Variants in PLEKHG3 observed in about 807,000 individuals in gnomAD.
The protein encoded by PLEKHG3 is pleckstrin homology domain-containing family G member 3.
A neutral mutation model predicts 94.9 loss-of-function variants in PLEKHG3; 62 were observed. The ratio of observed to expected loss-of-function variants is 0.65; its 90% CI spans 0.53 to 0.81. The LOEUF (loss-of-function observed/expected upper bound fraction) is 0.81, where lower values mean the gene tolerates loss of function less well. Among genes scored for constraint, PLEKHG3 ranks in the 30% least tolerant of loss-of-function variants. The pLI is 0.00. For synonymous variants in PLEKHG3, 614 were observed against 654.0 expected (o/e 0.94, Z 0.93); for missense variants, 1,461 against 1,619.3 (o/e 0.90, Z 1.68).
rs1426539075 is a variant in PLEKHG3, at chr14:64,734,712, C to T, written c.1345+1811C>T. ...TATGAAATTCCCTCCCTCCCTCCCTCCCTTCCTTCCTTCCTTCTTTCCTTC... is the reference window on the plus strand; with the variant it reads ...TATGAAATTCCCTCCCTCCCTCCCTTCCTTCCTTCCTTCCTTCTTTCCTTC... On this transcript the variant is annotated intron_variant, in intron 12 of 16. Transcript: ENST00000247226. Among the ~76,000 whole-genome samples the T allele has an allele frequency of 3.5e-5, 5 of 141,358 alleles. No homozygotes were observed. In the East Asian group the frequency reaches 8.8e-4, roughly 25 times the overall value. 92.7% of individuals were successfully genotyped at this position (141,358 alleles called of 152,430 possible).
chr14:64,737,603 C>T (rs1005578497), intron 14 of PLEKHG3, among the ~76,000 whole-genome samples: 1 of 152,228 alleles, frequency 6.6e-6, no homozygotes, highest in Non-Finnish European at 1.5e-5. Context: ...CTGCTGGGGG[C>T]CTGCCCAGTG....
intron 12 of PLEKHG3, among the ~76,000 whole-genome samples, chr14:64,733,613 A>C (rs1331413727): frequency 6.6e-6 from 1 of 152,192 alleles, no homozygotes; most frequent in Non-Finnish European, 1.5e-5. Flanking sequence ...GGCCCAGCCC[A>C]GTCCTGGAAC....
intron 1 of PLEKHG3, among the ~76,000 whole-genome samples, chr14:64,708,115 G>A (rs2081002590): frequency 6.6e-6 from 1 of 152,152 alleles, no homozygotes; most frequent in Non-Finnish European, 1.5e-5. Context: ...GAAAACCTTG[G>A]CAAAAACTTT....
rs747398144 is a variant in PLEKHG3 at position 64,732,202 on chromosome 14, A to G, written c.1212+21A>G. 1.3e-6 allele frequency: 2 copies of G among 1,591,012 alleles called. No homozygotes were observed. On this transcript the variant is annotated intron_variant, in intron 10 of 16. Coordinates refer to ENST00000247226, the MANE Select transcript of PLEKHG3 (RefSeq NM_001308147.2). The surrounding 1 kb of genome is among the most constrained non-coding windows in gnomAD (Gnocchi z 4.9). ...AGAAGGTGAGTTCCCCCAGCTCCTG[A>G]CTGTGTGCAAGGAGAATGTGCTCCT...
In PLEKHG3 at chr14:64,731,192, G is replaced by C. The variant is rs369335119; in HGVS notation, c.849+23G>C. 5 of 1,595,532 alleles carry C rather than the reference G, an allele frequency of 3.1e-6. No homozygotes were observed. The highest frequency in any genetic ancestry group is 2.2e-5 in the East Asian group (1 of 44,716). ...CAGGTGCTCTGGGGCTGGGACGCTG[G>C]GGGAGGGGCAGGGCTGGGTGGGCCA... On this transcript the variant is annotated intron_variant, in intron 7 of 16. Transcript: ENST00000247226. The surrounding 1 kb of genome is among the most constrained non-coding windows in gnomAD (Gnocchi z 6.1).
chr14:64,737,851 G>T (rs1339676724), intron 14 of PLEKHG3: 1 of 1,183,286 alleles, frequency 8.5e-7, no homozygotes, highest in East Asian at 6.2e-5. Context: ...GGGGTCTTGT[G>T]CTCTGAACAG....
Position 64,741,822 on chromosome 14 carries a change from C to T in PLEKHG3, c.2305C>T (p.Pro769Ser). 1.2e-6 allele frequency: 2 copies of T among 1,613,662 alleles called. No individual in the cohort carries two copies. The highest frequency in any genetic ancestry group is 1.7e-6 in the Non-Finnish European group (2 of 1,180,026). ...SLPRPDPEPV[P>S]PVGSKRQVGS... is the part of the protein sequence containing the mutation. ...TCCCCGGCCAGACCCAGAGCCAGTA[C>T]CTCCAGTGGGGAGCAAGAGACAGGT... The change falls in exon 16 of 17, where the codon CCT becomes TCT. Residue 769 changes from proline to serine, a missense_variant. This residue lies in a region of PLEKHG3 where 1,201 missense variants were observed against 1,295.5 expected (regional missense o/e 0.93). Transcript: ENST00000247226.
Position 64,732,967 on chromosome 14 carries a change from T to C in PLEKHG3, c.1345+66T>C. 1 of 1,013,188 alleles carries C rather than the reference T, an allele frequency of 9.9e-7. No homozygotes were observed. Among genetic ancestry groups the C allele is most frequent in the Non-Finnish European group, 1.5e-6 (1 of 657,308 alleles). 62.8% of individuals were successfully genotyped at this position (1,013,188 alleles called of 1,614,324 possible). A position where few individuals can be genotyped will look rare whatever the true frequency, so the allele number is the denominator to read the frequency against. The stretch of plus-strand genomic sequence containing the variant: ...ACCCTTGCCCAGACTGGGGACCGTC[T>C]GCGGCAGTGTCCAGGGCTGTGGCTC... On this transcript the variant is annotated intron_variant, in intron 12 of 16. Transcript: ENST00000247226. The surrounding 1 kb of genome is among the most constrained non-coding windows in gnomAD (Gnocchi z 4.9).
At position 64,749,240 on chromosome 14, in the gene PLEKHG3, A is replaced by C. The variant is rs948286328; in HGVS notation, c.*5537A>C. 9 of 1,522,360 alleles carry C rather than the reference A, an allele frequency of 5.9e-6. No homozygotes were observed. The Admixed American group carries it at 1.4e-4, about 23-fold the overall frequency. 94.3% of individuals were successfully genotyped at this position (1,522,360 alleles called of 1,614,324 possible). ...TCGACCGGCGGGCGGCGGCGAGAGG[A>C]GGCCAAGGCCTGGGCTGCCCGGTCT... On this transcript the variant is annotated 3_prime_UTR_variant, in exon 17 of 17. Coordinates refer to ENST00000247226, the MANE Select transcript of PLEKHG3 (RefSeq NM_001308147.2). This position sits in a 1 kb window ranked among gnomAD's most constrained non-coding sequence, Gnocchi z 4.7.
At chr14:64,742,868 CA>C in intron 16 of PLEKHG3, 113 bp from the exon 17 acceptor site, 3 of 998,334 alleles carry the variant, frequency 3.0e-6, no homozygotes, top group Non-Finnish European at 3.1e-6. Context: ...CCATCACACC[CA>C]AAACCCCAAC....
rs2081179230 is a variant in PLEKHG3 at position 64,717,111 on chromosome 14, ACGTG to A, written c.-39-10481_-39-10478del. ...GGGCTGGCCGCCTTTGGGAATTTAC[ACGTG>A]TGTGTGTGTGTGTGTGTGTGTGTGT... On this transcript the variant is annotated intron_variant, in intron 1 of 16. Transcript: ENST00000247226. This position sits in a 1 kb window ranked among gnomAD's most constrained non-coding sequence, Gnocchi z 4.7. Among the ~76,000 whole-genome samples the A allele has an allele frequency of 8.8e-6, 1 of 113,318 alleles. No homozygotes were observed. Among genetic ancestry groups the A allele is most frequent in the Admixed American group, 8.2e-5 (1 of 12,204 alleles). The allele number at this position is 113,318 out of a possible 152,430, so 74.3% of individuals were successfully genotyped here.
Position 64,741,353 on chromosome 14 carries a change from C to G in PLEKHG3, c.1836C>G (p.Ser612Arg). 6.2e-7 allele frequency: 1 copy of G among 1,613,606 alleles called. No individual in the cohort carries two copies. The highest frequency in any genetic ancestry group is 8.5e-7 in the Non-Finnish European group (1 of 1,180,046). Residue 612 changes from serine (S) to arginine (R), a missense_variant, in exon 16 of 17, where the codon AGC becomes AGG. Transcript: ENST00000247226. ...TCATTGCGGAGCGATTTGTCAGCAG[C>G]TTCTCTCGGCGGAGCAGCGTGGCAC... ...ASVIAERFVS[S>R]FSRRSSVAQE...
rs2081496962 is a variant in PLEKHG3, at chr14:64,732,879, G to A, written c.1323G>A (p.Val441=). 1.2e-6 allele frequency: 2 copies of A among 1,607,198 alleles called. No homozygotes were observed. The highest frequency in any genetic ancestry group is 1.7e-6 in the Non-Finnish European group (2 of 1,177,022). ...WSSQDEVSTN[V]RQGRRQSEPT... is the part of the protein sequence containing the mutation. ...CCCAGGATGAGGTGTCCACCAATGT[G>A]CGCCAGGGGCGCCGGCAATCTGGTA... The change falls in exon 12 of 17, where the codon GTG becomes GTA. Residue 441 remains valine, a synonymous_variant. Coordinates refer to ENST00000247226, the MANE Select transcript of PLEKHG3 (RefSeq NM_001308147.2). This position sits in a 1 kb window ranked among gnomAD's most constrained non-coding sequence, Gnocchi z 4.9.
At position 64,717,149 on chromosome 14, in the gene PLEKHG3, G is replaced by C. The variant is rs1566694670; in HGVS notation, c.-39-10444G>C. 6.6e-6 allele frequency among the ~76,000 whole-genome samples: 1 copy of C among 151,706 alleles called. No individual in the cohort carries two copies. The highest frequency in any genetic ancestry group is 1.5e-5 in the Non-Finnish European group (1 of 67,918). ...TGTGTGTGTGTGTGTGTGTGTGTGT[G>C]AGTCCATAAGGTCTGCTTTGGAAAA... On this transcript the variant is annotated intron_variant, in intron 1 of 16. Transcript: ENST00000247226. The surrounding 1 kb of genome is among the most constrained non-coding windows in gnomAD (Gnocchi z 4.7).
chr14:64,737,340 G>A lies in PLEKHG3; in HGVS notation c.1385-16G>A. 1 of 1,604,172 alleles carries A rather than the reference G, an allele frequency of 6.2e-7. No individual in the cohort carries two copies. Among genetic ancestry groups the A allele is most frequent in the Non-Finnish European group, 8.5e-7 (1 of 1,175,420 alleles). Reference sequence around the variant, plus strand: ...CCTCGCCCGTGTGCTGGGGGACCCGGTGGTGATGTCTGCAGCCCGAGCAGC... The same window carrying A: ...CCTCGCCCGTGTGCTGGGGGACCCGATGGTGATGTCTGCAGCCCGAGCAGC... On this transcript the variant is annotated splice_polypyrimidine_tract_variant and intron_variant, in intron 13 of 16. Coordinates refer to ENST00000247226, the MANE Select transcript of PLEKHG3 (RefSeq NM_001308147.2).
chr14:64,716,888 C>A lies in PLEKHG3; in HGVS notation c.-39-10705C>A, dbSNP rs1006570250. Reference sequence around the variant, plus strand: ...TGCCCCACCGGTCTGAATTCTGGTCCATGTACGCTCCCAGCTGAGGCAGGA... The same window carrying A: ...TGCCCCACCGGTCTGAATTCTGGTCAATGTACGCTCCCAGCTGAGGCAGGA... On this transcript the variant is annotated intron_variant, in intron 1 of 16. Coordinates refer to ENST00000247226, the MANE Select transcript of PLEKHG3 (RefSeq NM_001308147.2). The surrounding 1 kb of genome is among the most constrained non-coding windows in gnomAD (Gnocchi z 5.0). Among the ~76,000 whole-genome samples, 12 of 152,212 alleles carry A rather than the reference C, an allele frequency of 7.9e-5. No homozygotes were observed. The highest frequency in any genetic ancestry group is 2.9e-4 in the African/African-American group (12 of 41,448).
At position 64,739,148 on chromosome 14, in the gene PLEKHG3, G is replaced by A. The variant is rs149991582; in HGVS notation, c.1518+293G>A. Among the ~76,000 whole-genome samples the A allele has an allele frequency of 3.1e-3, 471 of 152,224 alleles. 3 individuals are homozygous for A. Among genetic ancestry groups the A allele is most frequent in the African/African-American group, 0.011 (457 of 41,532 alleles). ...ATGAACCAGGTATTAGGCTCCTTTC[G>A]TTAGGCCACCTTGTATGGGTTATAA... On this transcript the variant is annotated intron_variant, in intron 15 of 16. Coordinates refer to ENST00000247226, the MANE Select transcript of PLEKHG3 (RefSeq NM_001308147.2). This position sits in a 1 kb window ranked among gnomAD's most constrained non-coding sequence, Gnocchi z 4.1.
chr14:64,749,610 T>A lies in PLEKHG3; in HGVS notation c.*5907T>A. The A allele has an allele frequency of 6.2e-7, 1 of 1,612,310 alleles. No individual in the cohort carries two copies. Among genetic ancestry groups the A allele is most frequent in the Non-Finnish European group, 8.5e-7 (1 of 1,179,762 alleles). On this transcript the variant is annotated 3_prime_UTR_variant, in exon 17 of 17. Transcript: ENST00000247226. The surrounding 1 kb of genome is among the most constrained non-coding windows in gnomAD (Gnocchi z 4.7). ...GGCAAGCGGCCTGGGGTCCTCCACC[T>A]ACCCCCTTCTTAGCCAGGTCTGGGC...
In PLEKHG3 at chr14:64,743,195, G is replaced by A. The variant is rs765640183; in HGVS notation, c.3152G>A (p.Arg1051His). ...PTETFSWPDV[R>H]ELCSKYASRD... ...GAGACCTTCAGCTGGCCCGACGTCC[G>A]TGAGCTCTGCTCCAAGTATGCCTCC... The change falls in exon 17 of 17, where the codon CGT becomes CAT. Residue 1051 changes from arginine (R) to histidine (H), a missense_variant. Arg to His is a conservative substitution (Grantham distance 29, BLOSUM62 0). Transcript: ENST00000247226. This position sits in a 1 kb window ranked among gnomAD's most constrained non-coding sequence, Gnocchi z 7.2. 51 of 1,609,934 alleles carry A rather than the reference G, an allele frequency of 3.2e-5. No individual in the cohort carries two copies. The highest frequency in any genetic ancestry group is 1.6e-4 in the Middle Eastern group (1 of 6,084).
Sources: allele counts gnomAD v4.1 joint callset (sites outside exome capture counted in the v4.1 genomes callset), GRCh38; gene constraint gnomAD v4.1.1; regional missense constraint gnomAD v4.1.1; non-coding constraint Gnocchi (gnomAD v3.1); transcripts MANE v1.5; gene names NCBI Gene and HGNC (gene_info 2026-07-23, HGNC 2026-07-21).